TAF4: variants seen among roughly 807,000 people sequenced by gnomAD.
TAF4 encodes transcription initiation factor TFIID subunit 4.
Under a neutral mutation model 90.3 loss-of-function variants are expected in TAF4, and 9 were observed. The observed-to-expected ratio is 0.10, with a 90% CI of 0.06 to 0.17. The LOEUF is 0.17. Among genes scored for constraint, TAF4 ranks in the 10% least tolerant of loss-of-function variants. The pLI is 1.00. For missense variants in TAF4, 1,351 were observed against 1,370.7 expected, an observed-to-expected ratio of 0.99 and a Z score of 0.23; for synonymous variants, 818 against 638.9, an observed-to-expected ratio of 1.28 and a Z score of -4.23.
chr20:62,045,262 C>T (rs1441268859), intron 1 of TAF4, among the ~76,000 whole-genome samples: 1 of 152,214 alleles, frequency 6.6e-6, no homozygotes, highest in Non-Finnish European at 1.5e-5. Flanking sequence ...ATGCACCCTC[C>T]CCACCGGCCA....
intron 11 of TAF4, 119 bp downstream of exon 11, chr20:62,000,005 G>T: frequency 7.9e-7 from 1 of 1,263,320 alleles, no homozygotes; most frequent in Non-Finnish European, 1.1e-6. Context: ...CGTTCGTAAG[G>T]AACATGGAGG....
rs928457555 is a variant in TAF4 at position 62,006,271 on chromosome 20, C to T, written c.2223+239G>A. ...ATCCCCAGACAAGGCAGGGCGGGGA[C>T]GTGCCGGTGGTTCAAAGCCAACTCA... On this transcript the variant is annotated intron_variant, in intron 7 of 14. Coordinates refer to ENST00000252996, the MANE Select transcript of TAF4 (RefSeq NM_003185.4). This position sits in a 1 kb window ranked among gnomAD's most constrained non-coding sequence, Gnocchi z 7.0. 14 of 456,030 alleles carry T rather than the reference C, an allele frequency of 3.1e-5. No homozygotes were observed. The highest frequency in any genetic ancestry group is 3.0e-4 in the East Asian group (8 of 27,052). 28.2% of individuals were successfully genotyped at this position (456,030 alleles called of 1,614,324 possible).
intron 1 of TAF4, among the ~76,000 whole-genome samples, chr20:62,063,785 G>A (rs914005306): frequency 6.6e-6 from 1 of 152,264 alleles, no homozygotes; most frequent in African/African-American, 2.4e-5. Flanking sequence ...TCCACAGCGT[G>A]GCTCTCAGCA....
rs565237042 is a variant in TAF4 at position 62,000,107 on chromosome 20, G to A, written c.2787+17C>T. 11 of 1,614,114 alleles carry A rather than the reference G, an allele frequency of 6.8e-6. No individual in the cohort carries two copies. The highest frequency in any genetic ancestry group is 1.1e-5 in the South Asian group (1 of 91,056). ...CCAACAACATAAAGACGCTCTCCTC[G>A]GCAAACAGCCTGTTACCTTGTAAGA... is the stretch of plus-strand genomic sequence containing the variant. On this transcript the variant is annotated intron_variant, in intron 11 of 14. Transcript: ENST00000252996.
In TAF4 at chr20:61,976,339, G is replaced by A. The variant is rs1287540494; in HGVS notation, c.3091-4C>T. 1 of 1,612,852 alleles carries A rather than the reference G, an allele frequency of 6.2e-7. No individual in the cohort carries two copies. Among genetic ancestry groups the A allele is most frequent in the Non-Finnish European group, 8.5e-7 (1 of 1,179,952 alleles). On this transcript the variant is annotated splice_region_variant and splice_polypyrimidine_tract_variant and intron_variant, in intron 14 of 14. Coordinates refer to ENST00000252996, the MANE Select transcript of TAF4 (RefSeq NM_003185.4). ...CCACTGAGCCGGGGCCCGACCCCTG[G>A]TGATGAAAAAGGAGAAGACAGTGTG...
At chr20:61,981,084 G>C (rs1488719337) in intron 14 of TAF4, 1 of 152,340 alleles carries the variant, frequency 6.6e-6, no homozygotes, top group Non-Finnish European at 1.5e-5. Context: ...GGTCCTGCAG[G>C]AAAGGGCCGG....
chr20:62,064,429 C>T, intron 1 of TAF4, 22 bp downstream of exon 1: 1 of 1,334,654 alleles, frequency 7.5e-7, no homozygotes, highest in Admixed American at 3.7e-5. Context: ...GCCCTTCCCT[C>T]CCGCCCCGTG....
intron 3 of TAF4, among the ~76,000 whole-genome samples, chr20:62,011,605 C>A (rs1331795577): frequency 6.6e-6 from 1 of 152,218 alleles, no homozygotes; most frequent in Non-Finnish European, 1.5e-5. Flanking sequence ...CCCACTTTCA[C>A]CCACTGCAGC....
At chr20:62,008,964 C>T (rs956693956) in intron 5 of TAF4, 88 bp downstream of exon 5, 7 of 1,501,434 alleles carry the variant, frequency 4.7e-6, no homozygotes, top group African/African-American at 2.8e-5. Context: ...TGGCACAGGC[C>T]TCCCGGGCAC....
Position 62,006,240 on chromosome 20 carries a change from A to G in TAF4, c.2223+270T>C, listed in dbSNP as rs561725564. The G allele has an allele frequency of 1.7e-5, 6 of 362,940 alleles. No homozygotes were observed. In the Admixed American group the frequency reaches 1.9e-4, roughly 11 times the overall value. 22.5% of individuals were successfully genotyped at this position (362,940 alleles called of 1,614,324 possible). A position where few individuals can be genotyped will look rare whatever the true frequency, so the allele number is the denominator to read the frequency against. ...AAAGCACGCTGCATTCATTTACACCAGTAACATCCCCAGACAAGGCAGGGC... is the reference window on the plus strand; with the variant it reads ...AAAGCACGCTGCATTCATTTACACCGGTAACATCCCCAGACAAGGCAGGGC... On this transcript the variant is annotated intron_variant, in intron 7 of 14. Transcript: ENST00000252996. The surrounding 1 kb of genome is among the most constrained non-coding windows in gnomAD (Gnocchi z 7.0).
At chr20:61,989,971 G>C (rs2055620976) in intron 14 of TAF4, among the ~76,000 whole-genome samples, 1 of 152,176 alleles carries the variant, frequency 6.6e-6, no homozygotes, top group Non-Finnish European at 1.5e-5. Context: ...TGCGATAAGG[G>C]TGGGGCATCT....
chr20:62,043,409 G>A (rs911357316), intron 1 of TAF4, among the ~76,000 whole-genome samples: 11 of 152,174 alleles, frequency 7.2e-5, no homozygotes, highest in African/African-American at 2.7e-4. Context: ...GTTTGAAAAA[G>A]TTAAGTTTAT....
In TAF4 at chr20:61,998,126, C is replaced by T. The variant is rs2055675249; in HGVS notation, c.2970+10G>A. The T allele has an allele frequency of 1.2e-6, 2 of 1,613,876 alleles. No homozygotes were observed. Among genetic ancestry groups the T allele is most frequent in the African/African-American group, 2.7e-5 (2 of 75,064 alleles). On this transcript the variant is annotated intron_variant, in intron 13 of 14. Transcript: ENST00000252996. Reference sequence around the variant, plus strand: ...AGTGCCCACGAGCACTCACGACTAACAGGGCTCACCTCCTTTGCCTTCTGT... The same window carrying T: ...AGTGCCCACGAGCACTCACGACTAATAGGGCTCACCTCCTTTGCCTTCTGT...
intron 1 of TAF4, among the ~76,000 whole-genome samples, chr20:62,028,179 G>C (rs560289238): frequency 3.4e-4 from 52 of 152,326 alleles, no homozygotes; most frequent in African/African-American, 1.2e-3. Flanking sequence ...GGGCCGGTCA[G>C]AGTGACCAAC....
At chr20:62,050,957 C>A (rs1049384184) in intron 1 of TAF4, among the ~76,000 whole-genome samples, 2 of 152,206 alleles carry the variant, frequency 1.3e-5, no homozygotes, top group African/African-American at 4.8e-5. Flanking sequence ...CCAGGCAGGG[C>A]CCCTCCCACA....
intron 7 of TAF4, chr20:62,005,590 G>A (rs552545552): frequency 1.6e-4 from 24 of 152,344 alleles, no homozygotes; most frequent in African/African-American, 5.3e-4. Flanking sequence ...TTTCCCTCTG[G>A]AGTCAAAAGG....
At chr20:61,992,703 T>C (rs918168145) in intron 14 of TAF4, among the ~76,000 whole-genome samples, 2 of 152,176 alleles carry the variant, frequency 1.3e-5, no homozygotes, top group African/African-American at 4.8e-5. Context: ...TCAAACGCCA[T>C]TTCCCACTAG....
intron 2 of TAF4, among the ~76,000 whole-genome samples, chr20:62,014,035 T>TGTGGGG: frequency 7.2e-6 from 1 of 138,964 alleles, no homozygotes; most frequent in African/African-American, 3.1e-5. Flanking sequence ...TGTGTGTGTG[T>TGTGGGG]GTGTGTGTGT....
At chr20:62,015,013 C>T (rs1231326789) in intron 1 of TAF4, among the ~76,000 whole-genome samples, 1 of 152,222 alleles carries the variant, frequency 6.6e-6, no homozygotes, top group African/African-American at 2.4e-5. Flanking sequence ...GCCCCCATGC[C>T]CCCAACCAGC....
Sources: allele counts gnomAD v4.1 joint callset (sites outside exome capture counted in the v4.1 genomes callset), GRCh38; gene constraint gnomAD v4.1.1; non-coding constraint Gnocchi (gnomAD v3.1); transcripts MANE v1.5; gene names NCBI Gene and HGNC (gene_info 2026-07-23, HGNC 2026-07-21).